STAB2: variants seen among roughly 807,000 people sequenced by gnomAD.
STAB2 encodes the protein stabilin 2, also known as stabilin-2.
A neutral mutation model predicts 338.1 loss-of-function variants in STAB2; 288 were observed. That is an observed-to-expected ratio of 0.85 (90% CI 0.77 to 0.94). The LOEUF is 0.94. STAB2 is among the 40% of genes least tolerant of loss of function. STAB2 has a pLI of 0.00. For synonymous variants in STAB2, 1,202 were observed against 1,193.3 expected (o/e 1.01, Z -0.15); for missense variants, 3,141 against 3,210.1 (o/e 0.98, Z 0.52).
intron 37 of STAB2, among the ~76,000 whole-genome samples, chr12:103,706,573 C>T (rs1034605281): frequency 6.6e-6 from 1 of 152,054 alleles, no homozygotes; most frequent in Admixed American, 6.6e-5. Context: ...TCCCTCTTTC[C>T]TACCTCCTTA....
At chr12:103,626,587 C>A (rs767629548) in intron 5 of STAB2, among the ~76,000 whole-genome samples, 2 of 152,160 alleles carry the variant, frequency 1.3e-5, no homozygotes, top group Non-Finnish European at 2.9e-5. Flanking sequence ...AAGCAAGTCA[C>A]GGATGAATGA....
intron 25 of STAB2, among the ~76,000 whole-genome samples, chr12:103,679,963 C>A (rs1247743437): frequency 1.3e-5 from 2 of 152,176 alleles, no homozygotes; most frequent in African/African-American, 4.8e-5. Context: ...GAAGAAAATG[C>A]TGACACATGC....
At position 103,726,108 on chromosome 12, in the gene STAB2, GT is replaced by G; in HGVS notation, c.4804-5del. The G allele has an allele frequency of 1.9e-6, 3 of 1,613,818 alleles. No homozygotes were observed. The highest frequency in any genetic ancestry group is 2.5e-6 in the Non-Finnish European group (3 of 1,179,808). ...CAGGCATTAAGTGAAACTACTCTTT[GT>G]TTGCAGGAGCTTCCCAAGAACCCGA... is the stretch of plus-strand genomic sequence containing the variant. On this transcript the variant is annotated splice_polypyrimidine_tract_variant and splice_region_variant and intron_variant, in intron 45 of 68. Transcript: ENST00000388887.
intron 23 of STAB2, among the ~76,000 whole-genome samples, chr12:103,674,436 G>A (rs1013496817): frequency 2.7e-4 from 41 of 152,134 alleles, no homozygotes; most frequent in Admixed American, 7.9e-4. Context: ...ACCTAGCACC[G>A]GGGCTAGCAC....
rs542447010 is a variant in STAB2, at chr12:103,643,518, T to A, written c.1040+3262T>A. On this transcript the variant is annotated intron_variant, in intron 9 of 68. Transcript: ENST00000388887. ...TCCCTGTCCTCCCAGTGCTCTCTGA[T>A]GCCCCTCCCTCTGGGCTCCCAGAGC... 3.2e-4 allele frequency among the ~76,000 whole-genome samples: 48 copies of A among 152,182 alleles called. No homozygotes were observed. In the South Asian group the frequency reaches 1.0e-2, roughly 32 times the overall value.
intron 13 of STAB2, 129 bp from the exon 14 acceptor site, chr12:103,655,122 G>A (rs184758564): frequency 2.3e-4 from 203 of 873,706 alleles, no homozygotes; most frequent in Middle Eastern, 2.2e-3. Flanking sequence ...CATTGCAGTT[G>A]ACCAGGTTCA....
chr12:103,725,629 G>C (rs1490970372), intron 45 of STAB2, among the ~76,000 whole-genome samples: 1 of 151,796 alleles, frequency 6.6e-6, no homozygotes, highest in Non-Finnish European at 1.5e-5. Flanking sequence ...TGTGCATGCA[G>C]GTGCATATGT....
chr12:103,637,922 C>T, intron 7 of STAB2, 94 bp from the exon 8 acceptor site: 2 of 1,291,156 alleles, frequency 1.5e-6, no homozygotes, highest in Admixed American at 2.1e-5. Context: ...CTGTGAGTTG[C>T]CTTTGAGGTT....
At chr12:103,627,496 G>T (rs1188957590) in intron 5 of STAB2, among the ~76,000 whole-genome samples, 4 of 152,236 alleles carry the variant, frequency 2.6e-5, no homozygotes, top group African/African-American at 9.6e-5. Flanking sequence ...TGTCTCTAGA[G>T]ATTTGCTGAG....
intron 3 of STAB2, among the ~76,000 whole-genome samples, chr12:103,618,507 G>A (rs1343477343): frequency 6.6e-6 from 1 of 152,288 alleles, no homozygotes; most frequent in African/African-American, 2.4e-5. Flanking sequence ...TATTTTCCAC[G>A]GATGCTGATT....
intron 35 of STAB2, 116 bp downstream of exon 35, chr12:103,703,392 C>G: frequency 7.8e-7 from 1 of 1,289,972 alleles, no homozygotes. Flanking sequence ...CCATAAACCA[C>G]TGAATGAGTA....
chr12:103,715,951 C>A, intron 43 of STAB2, 63 bp downstream of exon 43: 2 of 1,542,614 alleles, frequency 1.3e-6, no homozygotes, highest in Non-Finnish European at 1.8e-6. Flanking sequence ...TCTTTAGACA[C>A]AGGCCTGAGA....
At chr12:103,643,263 C>A (rs1248386902) in intron 9 of STAB2, among the ~76,000 whole-genome samples, 1 of 152,074 alleles carries the variant, frequency 6.6e-6, no homozygotes, top group Non-Finnish European at 1.5e-5. Context: ...CCTAATAATA[C>A]CATCACACTG....
rs749842976 is a variant in STAB2 at position 103,745,222 on chromosome 12, C to T, written c.6081C>T (p.Ser2027=). The change falls in exon 57 of 69, where the codon TCC becomes TCT. Residue 2027 remains serine, a synonymous_variant. Transcript: ENST00000388887. ...AGTGCGATGATGGCATCACGGGCTC[C>T]GGGCAGTGCCTCTGTGAAACGGGGT... ...HGQCDDGITG[S]GQCLCETGWT... is the part of the protein sequence containing the mutation. 46 of 1,614,012 alleles carry T rather than the reference C, an allele frequency of 2.9e-5. No individual in the cohort carries two copies. Among genetic ancestry groups the T allele is most frequent in the East Asian group, 4.5e-5 (2 of 44,860 alleles).
At chr12:103,708,173 T>A (rs1367295374) in intron 38 of STAB2, among the ~76,000 whole-genome samples, 1 of 152,186 alleles carries the variant, frequency 6.6e-6, no homozygotes, top group Non-Finnish European at 1.5e-5. Flanking sequence ...ACTCTCACAC[T>A]GCTTGGGTCA....
rs748507020 is a variant in STAB2 at position 103,668,646 on chromosome 12, C to T, written c.2089C>T (p.Leu697Phe). 1.3e-6 allele frequency: 2 copies of T among 1,551,846 alleles called. No individual in the cohort carries two copies. The highest frequency in any genetic ancestry group is 1.7e-6 in the Non-Finnish European group (2 of 1,147,130). ...TTCCCTCCTTGGCTTTCTCCAGGCA[C>T]TCTTCACACACAGATGTGTCTACAG... ...RCPANSEPTA[L>F]FTHRCVYSGR... Residue 697 changes from leucine to phenylalanine, a missense_variant, in exon 20 of 69, where the codon CTC (leucine) becomes TTC (phenylalanine). Transcript: ENST00000388887.
chr12:103,760,854 G>A (rs926533575), intron 65 of STAB2, among the ~76,000 whole-genome samples: 7 of 152,212 alleles, frequency 4.6e-5, no homozygotes, highest in Non-Finnish European at 1.0e-4. Context: ...AAATGAAGAC[G>A]TGATTCAGCA....
chr12:103,656,122 C>T lies in STAB2; in HGVS notation c.1734+541C>T, dbSNP rs755575455. On this transcript the variant is annotated intron_variant, in intron 15 of 68. Transcript: ENST00000388887. ...AGGGCAATTATTGACTTCTTCATAT[C>T]GGGGTGTCAATGACTGAAACCATTT... Among the ~76,000 whole-genome samples, 5 of 152,216 alleles carry T rather than the reference C, an allele frequency of 3.3e-5. No homozygotes were observed. In the East Asian group the frequency reaches 5.8e-4, roughly 18 times the overall value.
At chr12:103,592,584 T>G (rs1239645692) in intron 2 of STAB2, among the ~76,000 whole-genome samples, 1 of 152,210 alleles carries the variant, frequency 6.6e-6, no homozygotes, top group Non-Finnish European at 1.5e-5. Flanking sequence ...AACCTGGACA[T>G]TCTTGATGTA....
Sources: allele counts gnomAD v4.1 joint callset (sites outside exome capture counted in the v4.1 genomes callset), GRCh38; gene constraint gnomAD v4.1.1; transcripts MANE v1.5; gene names NCBI Gene and HGNC (gene_info 2026-07-23, HGNC 2026-07-21).